CCDC88C: variants seen among roughly 807,000 people sequenced by gnomAD.
CCDC88C encodes coiled-coil and HOOK domain protein 88C.
CCDC88C carries 131 observed loss-of-function variants against 198.8 expected under a neutral mutation model. That is an observed-to-expected ratio of 0.66 (90% CI 0.57 to 0.76). CCDC88C has a LOEUF of 0.76. Among genes scored for constraint, CCDC88C ranks in the 30% least tolerant of loss-of-function variants. The probability of loss-of-function intolerance (pLI) is 0.00; values close to 1 mark genes in which losing one functional copy is unlikely to be tolerated. For missense variants in CCDC88C, 2,553 were observed against 2,631.6 expected, an observed-to-expected ratio of 0.97 and a Z score of 0.65; for synonymous variants, 1,166 against 1,114.7, an observed-to-expected ratio of 1.05 and a Z score of -0.92.
chr14:91,324,466 C>T (rs1192392760), intron 12 of CCDC88C, among the ~76,000 whole-genome samples: 1 of 152,264 alleles, frequency 6.6e-6, no homozygotes, highest in Non-Finnish European at 1.5e-5. Context: ...CAGCCATCCA[C>T]AGATGGCCTC....
intron 25 of CCDC88C, among the ~76,000 whole-genome samples, chr14:91,285,128 G>A (rs965138307): frequency 1.3e-5 from 2 of 152,196 alleles, no homozygotes; most frequent in Non-Finnish European, 2.9e-5. Context: ...CCTGAATGGA[G>A]CAATCAATCC....
chr14:91,326,080 G>A, intron 10 of CCDC88C, 24 bp from the exon 11 acceptor site: 1 of 1,601,466 alleles, frequency 6.2e-7, no homozygotes, highest in South Asian at 1.1e-5. Flanking sequence ...ACATACATGA[G>A]AACCATCAGA....
chr14:91,320,826 C>T (rs1341074142), intron 13 of CCDC88C, among the ~76,000 whole-genome samples: 4 of 152,192 alleles, frequency 2.6e-5, no homozygotes, highest in Non-Finnish European at 5.9e-5. Context: ...GGCAGGCACC[C>T]CATCAACCCC....
At chr14:91,345,925 A>G (rs1395468146) in intron 4 of CCDC88C, among the ~76,000 whole-genome samples, 3 of 150,434 alleles carry the variant, frequency 2.0e-5, no homozygotes, top group South Asian at 4.2e-4. Context: ...GTTCCCTTTC[A>G]GGTTCAAAAA....
chr14:91,384,906 G>A (rs990485695), intron 3 of CCDC88C, among the ~76,000 whole-genome samples: 3 of 152,108 alleles, frequency 2.0e-5, no homozygotes, highest in Non-Finnish European at 2.9e-5. Flanking sequence ...TGGTTCTTAG[G>A]GCACCATCCA....
Position 91,273,781 on chromosome 14 carries a change from G to A in CCDC88C, c.5059-128C>T, listed in dbSNP as rs978648901. On this transcript the variant is annotated intron_variant, in intron 29 of 29. Transcript: ENST00000389857. The surrounding 1 kb of genome is among the most constrained non-coding windows in gnomAD (Gnocchi z 5.6). ...ACCGCAGTTCCTGCCTGCCTTCTCC[G>A]AGGCACATGTGCCGCCTCCACCACA... The A allele has an allele frequency of 1.1e-5, 8 of 738,088 alleles. No homozygotes were observed. The highest frequency in any genetic ancestry group is 1.6e-5 in the Non-Finnish European group (8 of 515,826). The allele number at this position is 738,088 out of a possible 1,614,324, so 45.7% of individuals were successfully genotyped here. A position where few individuals can be genotyped will look rare whatever the true frequency, so the allele number is the denominator to read the frequency against.
At chr14:91,379,150 A>G (rs1884631495) in intron 3 of CCDC88C, 2 of 152,284 alleles carry the variant, frequency 1.3e-5, no homozygotes, top group East Asian at 1.9e-4. Context: ...GAGGCCCACG[A>G]GAGTTCTGAT....
chr14:91,313,368 G>C lies in CCDC88C; in HGVS notation c.2448C>G (p.Ala816=). ...GCTCCAGGGCCTTCCTGTCCTTCTC[G>C]GCCCCCTCCAACTGTGCATTGGCCA... ...LRLANAQLEG[A]EKDRKALEQE... is the part of the protein sequence containing the mutation. Residue 816 remains alanine, a synonymous_variant, in exon 15 of 30, where the codon GCC becomes GCG. Transcript: ENST00000389857. The surrounding 1 kb of genome is among the most constrained non-coding windows in gnomAD (Gnocchi z 5.2). The C allele has an allele frequency of 1.2e-6, 2 of 1,610,568 alleles. No homozygotes were observed. Among genetic ancestry groups the C allele is most frequent in the Non-Finnish European group, 1.7e-6 (2 of 1,179,808 alleles).
intron 2 of CCDC88C, among the ~76,000 whole-genome samples, chr14:91,412,969 C>T (rs189544158): frequency 3.1e-4 from 47 of 152,198 alleles, no homozygotes; most frequent in Non-Finnish European, 6.0e-4. Context: ...CCTTCAAATG[C>T]TTTTTGGGAG....
chr14:91,387,314 G>T (rs908497401), intron 3 of CCDC88C, among the ~76,000 whole-genome samples: 1 of 152,176 alleles, frequency 6.6e-6, no homozygotes, highest in Non-Finnish European at 1.5e-5. Flanking sequence ...ACCTCTACGG[G>T]TTGTCATGGA....
At chr14:91,319,229 C>T (rs1180291675) in intron 13 of CCDC88C, among the ~76,000 whole-genome samples, 5 of 152,200 alleles carry the variant, frequency 3.3e-5, no homozygotes, top group African/African-American at 4.8e-5. Context: ...CAAGACCTGT[C>T]GGCAATCCCT....
intron 10 of CCDC88C, among the ~76,000 whole-genome samples, chr14:91,331,269 G>A (rs1033738738): frequency 5.3e-5 from 8 of 152,172 alleles, no homozygotes; most frequent in Admixed American, 5.2e-4. Context: ...AGTTAAAGAT[G>A]GGAAAGCCTC....
chr14:91,417,599 C>T, intron 1 of CCDC88C, 32 bp downstream of exon 1: 2 of 1,572,316 alleles, frequency 1.3e-6, no homozygotes, highest in Non-Finnish European at 1.7e-6. Flanking sequence ...GCCGGTGCAC[C>T]AACAAAGGGG....
In CCDC88C at chr14:91,338,540, G is replaced by A. The variant is rs1370991447; in HGVS notation, c.840C>T (p.Thr280=). 3 of 1,572,166 alleles carry A rather than the reference G, an allele frequency of 1.9e-6. No homozygotes were observed. The highest frequency in any genetic ancestry group is 2.4e-5 in the South Asian group (2 of 85,052). Residue 280 remains threonine (T), a synonymous_variant, in exon 9 of 30, where the codon ACC becomes ACT. Transcript: ENST00000389857. This position sits in a 1 kb window ranked among gnomAD's most constrained non-coding sequence, Gnocchi z 4.8. ...GCACCAGCTGGTCCACCTCATGTCT[G>A]GTGTCCACAAGCTGCTCTGTCTTAT... ...LEDKTEQLVD[T]RHEVDQLVLE...
chr14:91,406,507 C>T (rs1167057711), intron 3 of CCDC88C, among the ~76,000 whole-genome samples: 1 of 152,224 alleles, frequency 6.6e-6, no homozygotes, highest in Non-Finnish European at 1.5e-5. Flanking sequence ...AACTCAGTTG[C>T]CCACTGAAAC....
At chr14:91,321,015 T>G in intron 13 of CCDC88C, 105 bp downstream of exon 13, 2 of 1,096,236 alleles carry the variant, frequency 1.8e-6, no homozygotes, top group Non-Finnish European at 2.6e-6. Context: ...ACCTGCATGC[T>G]CTACCTGGCC....
intron 23 of CCDC88C, 70 bp downstream of exon 23, chr14:91,294,103 G>T: frequency 6.3e-7 from 1 of 1,576,740 alleles, no homozygotes; most frequent in East Asian, 2.2e-5. Context: ...GGGAAGCCAG[G>T]ACCTCCAGAG....
chr14:91,389,364 A>C (rs1435157410), intron 3 of CCDC88C, among the ~76,000 whole-genome samples: 1 of 152,206 alleles, frequency 6.6e-6, no homozygotes, highest in Non-Finnish European at 1.5e-5. Flanking sequence ...CTGCTCTTGA[A>C]GATGTGATTC....
chr14:91,280,664 G>A (rs530980140), intron 27 of CCDC88C, among the ~76,000 whole-genome samples: 4 of 152,228 alleles, frequency 2.6e-5, no homozygotes, highest in East Asian at 3.9e-4. Context: ...CTGACTGATC[G>A]CAAATCTGGC....
Sources: gnomAD v4.1 joint callset for allele counts (sites outside exome capture counted in the v4.1 genomes callset) on GRCh38, gnomAD v4.1.1 for gene constraint, Gnocchi (gnomAD v3.1) non-coding constraint, MANE v1.5 for transcripts, NCBI Gene and HGNC (gene_info 2026-07-23, HGNC 2026-07-21) for gene names.